PTPN4: variants seen among roughly 807,000 people sequenced by gnomAD.
PTPN4 encodes the protein tyrosine-protein phosphatase non-receptor type 4.
Under a neutral mutation model 135.5 loss-of-function variants are expected in PTPN4, and 49 were observed. The ratio of observed to expected loss-of-function variants is 0.36; its 90% CI spans 0.29 to 0.46. The LOEUF (loss-of-function observed/expected upper bound fraction) is 0.46. PTPN4 is among the 20% of genes least tolerant of loss of function. The pLI is 1.00. For missense variants in PTPN4, 860 were observed against 1,101.0 expected, an observed-to-expected ratio of 0.78 and a Z score of 3.10; for synonymous variants, 333 against 369.9, an observed-to-expected ratio of 0.90 and a Z score of 1.14.
intron 2 of PTPN4, among the ~76,000 whole-genome samples, chr2:119,854,796 C>G (rs566488055): frequency 6.6e-6 from 1 of 152,190 alleles, no homozygotes; most frequent in Admixed American, 6.5e-5. Flanking sequence ...TATGGCCACC[C>G]GGGCTGAAGC....
At chr2:119,967,322 G>A (rs57600516) in intron 25 of PTPN4, among the ~76,000 whole-genome samples, 40,632 of 151,886 alleles carry the variant, frequency 0.27, 5,517 homozygotes, top group South Asian at 0.33. Context: ...GGTGGTGCAC[G>A]TCTGTAATCC....
At chr2:119,768,099 T>C (rs1004904262) in intron 1 of PTPN4, among the ~76,000 whole-genome samples, 5 of 152,362 alleles carry the variant, frequency 3.3e-5, no homozygotes, top group African/African-American at 1.2e-4. Context: ...ATTTATTCAT[T>C]CATTTATATC....
chr2:119,816,491 G>A (rs892958057), intron 2 of PTPN4, among the ~76,000 whole-genome samples: 2 of 152,136 alleles, frequency 1.3e-5, no homozygotes, highest in Non-Finnish European at 2.9e-5. Flanking sequence ...ATTTTTCATC[G>A]GACTTGGGTG....
chr2:119,834,247 C>CT (rs1223421256), intron 2 of PTPN4, among the ~76,000 whole-genome samples: 1 of 152,128 alleles, frequency 6.6e-6, no homozygotes, highest in African/African-American at 2.4e-5. Flanking sequence ...CCCTACTCTA[C>CT]TGAGGAACAT....
chr2:119,971,495 A>G (rs1439693574), intron 26 of PTPN4, among the ~76,000 whole-genome samples: 1 of 152,228 alleles, frequency 6.6e-6, no homozygotes, highest in Non-Finnish European at 1.5e-5. Flanking sequence ...AGAACTGTTC[A>G]AATCTTTTGC....
intron 22 of PTPN4, among the ~76,000 whole-genome samples, chr2:119,959,539 G>C (rs1427185364): frequency 6.6e-6 from 1 of 152,228 alleles, no homozygotes; most frequent in Non-Finnish European, 1.5e-5. Context: ...CCAGGAGTTT[G>C]AGACCTGCCT....
At chr2:119,928,841 C>T (rs542554299) in intron 13 of PTPN4, among the ~76,000 whole-genome samples, 12 of 152,114 alleles carry the variant, frequency 7.9e-5, no homozygotes, top group East Asian at 1.9e-4. Context: ...TATCCTCATA[C>T]GAGTACCAGA....
At chr2:119,882,779 A>G (rs1433462720) in intron 8 of PTPN4, among the ~76,000 whole-genome samples, 156 bp downstream of exon 8, 1 of 152,122 alleles carries the variant, frequency 6.6e-6, no homozygotes, top group Non-Finnish European at 1.5e-5. Context: ...ATCTATGCTA[A>G]AAAACGATTT....
At chr2:119,878,897 T>G (rs746195404) in intron 5 of PTPN4, among the ~76,000 whole-genome samples, 17 of 151,596 alleles carry the variant, frequency 1.1e-4, no homozygotes, top group Non-Finnish European at 1.5e-4. Flanking sequence ...ATCAAGAACA[T>G]CCTGGCTAAC....
At chr2:119,778,519 T>A (rs1401687142) in intron 1 of PTPN4, among the ~76,000 whole-genome samples, 1 of 152,184 alleles carries the variant, frequency 6.6e-6, no homozygotes, top group South Asian at 2.1e-4. Context: ...TAAACAGGTA[T>A]ATTGAAGGCA....
In PTPN4 at chr2:119,984,027, C is replaced by T. The variant is rs867665196; in HGVS notation, c.*6957C>T. 3.5e-4 allele frequency among the ~76,000 whole-genome samples: 54 copies of T among 152,264 alleles called. No individual in the cohort carries two copies. Among genetic ancestry groups the T allele is most frequent in the Middle Eastern group, 3.4e-3 (1 of 294 alleles). ...AGGGGCACGATTTAAGAGACTGAAA[C>T]AGTTTACATTAAACTGTTTTTATTT... On this transcript the variant is annotated 3_prime_UTR_variant, in exon 27 of 27. Transcript: ENST00000263708.
At chr2:119,963,829 C>T (rs746945181) in intron 24 of PTPN4, among the ~76,000 whole-genome samples, 7 of 152,080 alleles carry the variant, frequency 4.6e-5, no homozygotes, top group South Asian at 2.1e-4. Flanking sequence ...AGATAGGCTA[C>T]GTATGTTTAT....
At chr2:119,878,601 C>T (rs1333443815) in intron 5 of PTPN4, among the ~76,000 whole-genome samples, 4 of 151,292 alleles carry the variant, frequency 2.6e-5, no homozygotes, top group Admixed American at 2.6e-4. Context: ...GCAGAGTTTT[C>T]AGTAGTAAAC....
At chr2:119,865,519 C>G (rs1558748923) in intron 3 of PTPN4, among the ~76,000 whole-genome samples, 1 of 151,980 alleles carries the variant, frequency 6.6e-6, no homozygotes, top group Non-Finnish European at 1.5e-5. Flanking sequence ...GATCTAACTT[C>G]AAAGCCTGTA....
chr2:119,845,213 G>A (rs1161605256), intron 2 of PTPN4, among the ~76,000 whole-genome samples: 1 of 136,514 alleles, frequency 7.3e-6, no homozygotes, highest in East Asian at 2.3e-4. Context: ...CTTCGGCTCC[G>A]CATGAGAGGG....
At chr2:119,812,434 C>G (rs1676906569) in intron 2 of PTPN4, among the ~76,000 whole-genome samples, 2 of 152,152 alleles carry the variant, frequency 1.3e-5, no homozygotes, top group Admixed American at 1.3e-4. Context: ...GTAAAATATT[C>G]ATGTTGCCAA....
At chr2:119,870,378 AG>A (rs1677893383) in intron 3 of PTPN4, among the ~76,000 whole-genome samples, 1 of 152,210 alleles carries the variant, frequency 6.6e-6, no homozygotes, top group African/African-American at 2.4e-5. Context: ...GCTCATAATG[AG>A]GAATGCTCAG....
Position 119,877,306 on chromosome 2 carries a change from A to G in PTPN4, c.247-17A>G. 2 of 1,603,988 alleles carry G rather than the reference A, an allele frequency of 1.2e-6. No homozygotes were observed. The highest frequency in any genetic ancestry group is 1.7e-6 in the Non-Finnish European group (2 of 1,176,118). ...CTCAAGGAAAAAAGAAATCAGTTTT[A>G]TTTATTTATTTTTCAGAGGTGGCTG... On this transcript the variant is annotated splice_polypyrimidine_tract_variant and intron_variant, in intron 3 of 26. Transcript: ENST00000263708.
chr2:119,850,196 T>G (rs1468528201), intron 2 of PTPN4, among the ~76,000 whole-genome samples: 2 of 152,252 alleles, frequency 1.3e-5, no homozygotes, highest in Non-Finnish European at 2.9e-5. Flanking sequence ...TGTCTCCCTT[T>G]AACACAGCTT....
Sources: allele counts gnomAD v4.1 joint callset (sites outside exome capture counted in the v4.1 genomes callset), GRCh38; gene constraint gnomAD v4.1.1; transcripts MANE v1.5; gene names NCBI Gene and HGNC (gene_info 2026-07-23, HGNC 2026-07-21).